The following INPP5A variants were observed in gnomAD, a reference collection of about 807,000 sequenced individuals.
The protein encoded by INPP5A is inositol polyphosphate-5-phosphatase A, also known as 43 kDa inositol polyphosphate 5-phophatase.
A neutral mutation model predicts 65.2 loss-of-function variants in INPP5A; 14 were observed. That is an observed-to-expected ratio of 0.21 (90% CI 0.14 to 0.34). The LOEUF (loss-of-function observed/expected upper bound fraction) is 0.34. Among genes scored for constraint, INPP5A ranks in the 10% least tolerant of loss-of-function variants. The probability of loss-of-function intolerance (pLI) is 1.00; values close to 1 mark genes in which losing one functional copy is unlikely to be tolerated. For synonymous variants in INPP5A, 207 were observed against 208.3 expected, an observed-to-expected ratio of 0.99 and a Z score of 0.05; for missense variants, 431 against 545.6, an observed-to-expected ratio of 0.79 and a Z score of 2.09.
Position 132,617,242 on chromosome 10 carries a change from T to G in INPP5A, c.117+9286T>G, listed in dbSNP as rs182857471. The stretch of plus-strand genomic sequence containing the variant: ...CCTGCTTGGCCCTGGGCTCTGGCTC[T>G]TTGCAGGCAGCTCAGCAGACAGTCC... On this transcript the variant is annotated intron_variant, in intron 2 of 15. Transcript: ENST00000368594. Among the ~76,000 whole-genome samples the G allele has an allele frequency of 4.3e-3, 653 of 152,232 alleles. 5 individuals carry two copies. The highest frequency in any genetic ancestry group is 0.015 in the African/African-American group (620 of 41,538).
At chr10:132,682,884 TTAATC>T (rs1349613883) in intron 4 of INPP5A, among the ~76,000 whole-genome samples, 6 of 151,844 alleles carry the variant, frequency 4.0e-5, no homozygotes, top group Non-Finnish European at 8.8e-5. Context: ...GCACGCACGT[TTAATC>T]TGTGTGTACA....
chr10:132,708,975 G>A (rs908358568), intron 7 of INPP5A, among the ~76,000 whole-genome samples: 1 of 151,998 alleles, frequency 6.6e-6, no homozygotes, highest in African/African-American at 2.4e-5. Context: ...TCTTTTCATG[G>A]ATTTTCCAAA....
intron 3 of INPP5A, among the ~76,000 whole-genome samples, chr10:132,648,519 C>T (rs1465876103): frequency 6.6e-6 from 1 of 152,246 alleles, no homozygotes; most frequent in Non-Finnish European, 1.5e-5. Flanking sequence ...GCACCCTTCT[C>T]TCTCTGCCTG....
rs1045865521 is a variant in INPP5A, at chr10:132,547,342, C to T, written c.75+9171C>T. ...CAGGGGTCCCTGGAGGGGCTCTCTC[C>T]ATCCTCTTCCTGGCGTCAGGTGTTC... On this transcript the variant is annotated intron_variant, in intron 1 of 15. Transcript: ENST00000368594. The surrounding 1 kb of genome is among the most constrained non-coding windows in gnomAD (Gnocchi z 5.5). 2.0e-5 allele frequency among the ~76,000 whole-genome samples: 3 copies of T among 152,164 alleles called. No homozygotes were observed. The highest frequency in any genetic ancestry group is 1.5e-5 in the Non-Finnish European group (1 of 68,016).
At chr10:132,608,743 C>T (rs1028062807) in intron 2 of INPP5A, among the ~76,000 whole-genome samples, 3 of 152,210 alleles carry the variant, frequency 2.0e-5, no homozygotes, top group African/African-American at 7.2e-5. Context: ...TGGAGCTGCT[C>T]ACATGCTCAG....
chr10:132,726,976 G>A (rs1310716112), intron 9 of INPP5A, 71 bp downstream of exon 9: 11 of 1,104,780 alleles, frequency 1.0e-5, no homozygotes, highest in African/African-American at 3.2e-5. Context: ...TGGAAGGAGC[G>A]TGGCCCCTTA....
chr10:132,727,063 CT>C lies in INPP5A; in HGVS notation c.732+159del. 1 of 499,906 alleles carries C rather than the reference CT, an allele frequency of 2.0e-6. No homozygotes were observed. The allele number at this position is 499,906 out of a possible 1,614,324, so 31.0% of individuals were successfully genotyped here. On this transcript the variant is annotated intron_variant, in intron 9 of 15. Coordinates refer to ENST00000368594, the MANE Select transcript of INPP5A (RefSeq NM_005539.5). The surrounding 1 kb of genome is among the most constrained non-coding windows in gnomAD (Gnocchi z 6.5). ...CCTTTCAATGAAGAAGCATGTTTTG[CT>C]GTCGGCAGAGGGATCCGTGTTGGAA...
rs566285891 is a variant in INPP5A at position 132,621,784 on chromosome 10, C to CTT, written c.117+13843_117+13844dup. Among the ~76,000 whole-genome samples the CTT allele has an allele frequency of 8.0e-3, 1,091 of 136,176 alleles. 15 individuals are homozygous for CTT. The highest frequency in any genetic ancestry group is 0.028 in the African/African-American group (1,033 of 37,032). The allele number at this position is 136,176 out of a possible 152,430, so 89.3% of individuals were successfully genotyped here. The stretch of plus-strand genomic sequence containing the variant: ...TGGGAAAATCGTGAGGGGGGTATGT[C>CTT]TTTTTTTTTTTTTTTTAAATCTGTG... On this transcript the variant is annotated intron_variant, in intron 2 of 15. Transcript: ENST00000368594.
chr10:132,573,524 T>G (rs1202462136), intron 1 of INPP5A, among the ~76,000 whole-genome samples: 7 of 132,892 alleles, frequency 5.3e-5, no homozygotes, highest in Admixed American at 1.5e-4. Flanking sequence ...GTGTGCTGTG[T>G]GAGGTTTTGT....
intron 11 of INPP5A, among the ~76,000 whole-genome samples, chr10:132,763,752 C>T (rs919488440): frequency 3.3e-5 from 5 of 152,018 alleles, no homozygotes; most frequent in African/African-American, 1.2e-4. Flanking sequence ...TGCCTGCATA[C>T]AAACACACAT....
rs948155609 is a variant in INPP5A, at chr10:132,624,536, C to T, written c.117+16580C>T. On this transcript the variant is annotated intron_variant, in intron 2 of 15. Coordinates refer to ENST00000368594, the MANE Select transcript of INPP5A (RefSeq NM_005539.5). ...CACTTCCACCGGCGTGTCTGCACTT[C>T]CCACTGGCGTGTCTGCACTTGGGGA... Among the ~76,000 whole-genome samples, 4 of 150,580 alleles carry T rather than the reference C, an allele frequency of 2.7e-5. No individual in the cohort carries two copies. In the East Asian group the frequency reaches 8.1e-4, roughly 31 times the overall value.
intron 11 of INPP5A, among the ~76,000 whole-genome samples, chr10:132,757,353 C>T (rs1308956730): frequency 2.0e-5 from 3 of 152,250 alleles, no homozygotes; most frequent in African/African-American, 7.2e-5. Context: ...CAGAGGTGCA[C>T]GCTTTTTCTT....
At position 132,659,445 on chromosome 10, in the gene INPP5A, G is replaced by C. The variant is rs2072705848; in HGVS notation, c.306+8940G>C. The stretch of plus-strand genomic sequence containing the variant: ...GTGCTGGCCATGAGGTCCCTGTGGG[G>C]TGCATCCACGGACGCGGGTCTGGAG... On this transcript the variant is annotated intron_variant, in intron 4 of 15. Coordinates refer to ENST00000368594, the MANE Select transcript of INPP5A (RefSeq NM_005539.5). The surrounding 1 kb of genome is among the most constrained non-coding windows in gnomAD (Gnocchi z 5.5). 6.6e-6 allele frequency among the ~76,000 whole-genome samples: 1 copy of C among 152,214 alleles called. No individual in the cohort carries two copies.
intron 1 of INPP5A, among the ~76,000 whole-genome samples, chr10:132,571,863 G>C (rs1230380315): frequency 6.6e-6 from 1 of 152,230 alleles, no homozygotes; most frequent in Non-Finnish European, 1.5e-5. Context: ...GGCAGGGTGT[G>C]AACTGAGCTG....
chr10:132,608,236 A>G (rs370439133), intron 2 of INPP5A, among the ~76,000 whole-genome samples: 2 of 152,198 alleles, frequency 1.3e-5, no homozygotes, highest in African/African-American at 4.8e-5. Flanking sequence ...GAATCAGAGA[A>G]CCTGGGGGCT....
At chr10:132,656,639 TAGAC>T (rs753667956) in intron 4 of INPP5A, among the ~76,000 whole-genome samples, 5 of 152,072 alleles carry the variant, frequency 3.3e-5, no homozygotes, top group Non-Finnish European at 5.9e-5. Context: ...TGTGGCCACA[TAGAC>T]AGAAGGAGGG....
chr10:132,768,760 C>T (rs1846899376), intron 12 of INPP5A, among the ~76,000 whole-genome samples: 1 of 152,258 alleles, frequency 6.6e-6, no homozygotes, highest in Non-Finnish European at 1.5e-5. Context: ...GCGTCTCCTT[C>T]CTGCGGTGAC....
chr10:132,722,483 C>G (rs928400730), intron 8 of INPP5A, among the ~76,000 whole-genome samples: 1 of 152,246 alleles, frequency 6.6e-6, no homozygotes, highest in African/African-American at 2.4e-5. Context: ...CCTGCCCTGT[C>G]ACCGTGGGGC....
At chr10:132,768,696 C>G (rs568197090) in intron 12 of INPP5A, among the ~76,000 whole-genome samples, 2 of 152,362 alleles carry the variant, frequency 1.3e-5, no homozygotes, top group South Asian at 4.1e-4. Flanking sequence ...TGTGTCTGAC[C>G]CAGCTCCTCA....
Sources: allele counts gnomAD v4.1 joint callset (sites outside exome capture counted in the v4.1 genomes callset), GRCh38; gene constraint gnomAD v4.1.1; non-coding constraint Gnocchi (gnomAD v3.1); transcripts MANE v1.5; gene names NCBI Gene and HGNC (gene_info 2026-07-23, HGNC 2026-07-21).